The following COL14A1 variants were observed in gnomAD, a reference collection of about 807,000 sequenced individuals.
The protein encoded by COL14A1 is collagen type XIV alpha 1 chain.
Under a neutral mutation model 230.3 loss-of-function variants are expected in COL14A1, and 136 were observed. The ratio of observed to expected loss-of-function variants is 0.59; its 90% CI spans 0.51 to 0.68. The LOEUF (loss-of-function observed/expected upper bound fraction) is 0.68. Ranked by LOEUF, COL14A1 falls within the 30% of genes least tolerant of loss-of-function variation. The pLI, the probability that COL14A1 is intolerant of heterozygous loss-of-function variation, is 0.00. For synonymous variants in COL14A1, 792 were observed against 784.1 expected (o/e 1.01, Z -0.17); for missense variants, 1,976 against 2,215.8 (o/e 0.89, Z 2.17).
intron 30 of COL14A1, 42 bp downstream of exon 30, chr8:120,280,791 A>G (rs772320631): frequency 1.3e-6 from 2 of 1,592,806 alleles, no homozygotes; most frequent in Admixed American, 3.5e-5. Context: ...AATATATTAC[A>G]GGCCTCTCAA....
chr8:120,187,595 TG>T (rs1563659165), intron 5 of COL14A1, among the ~76,000 whole-genome samples: 1 of 152,206 alleles, frequency 6.6e-6, no homozygotes, highest in Non-Finnish European at 1.5e-5. Context: ...TGAATAAACA[TG>T]GGTTTGGAGT....
intron 5 of COL14A1, among the ~76,000 whole-genome samples, chr8:120,190,896 T>G (rs1310628137): frequency 6.6e-6 from 1 of 151,918 alleles, no homozygotes; most frequent in South Asian, 2.1e-4. Flanking sequence ...TGATATCCCC[T>G]TTATCATTTT....
chr8:120,177,507 G>A (rs1433781893), intron 5 of COL14A1, among the ~76,000 whole-genome samples: 2 of 151,646 alleles, frequency 1.3e-5, no homozygotes, highest in Admixed American at 6.6e-5. Context: ...AAATTAGCCG[G>A]GAGTGGTGGC....
chr8:120,339,853 C>A, intron 42 of COL14A1, among the ~76,000 whole-genome samples: 1 of 152,058 alleles, frequency 6.6e-6, no homozygotes, highest in East Asian at 1.9e-4. Context: ...TCCTGGCCAC[C>A]ATGGTGAAAC....
chr8:120,341,641 C>T (rs1248107130), intron 43 of COL14A1, among the ~76,000 whole-genome samples: 1 of 152,094 alleles, frequency 6.6e-6, no homozygotes, highest in African/African-American at 2.4e-5. Flanking sequence ...GAGAGAATCA[C>T]CGTCATATAA....
intron 1 of COL14A1, among the ~76,000 whole-genome samples, chr8:120,144,181 G>A (rs1374204218): frequency 1.5e-5 from 2 of 132,468 alleles, no homozygotes; most frequent in African/African-American, 5.0e-5. Context: ...ACAATCTTGA[G>A]CTGTCTCTCT....
At chr8:120,139,088 A>C (rs892314192) in intron 1 of COL14A1, among the ~76,000 whole-genome samples, 9 of 152,198 alleles carry the variant, frequency 5.9e-5, no homozygotes, top group Admixed American at 2.6e-4. Flanking sequence ...TAACTGTTAG[A>C]GCTGTTACAG....
rs532004935 is a variant in COL14A1 at position 120,324,796 on chromosome 8, A to G, written c.4660-7345A>G. On this transcript the variant is annotated intron_variant, in intron 40 of 47. Coordinates refer to ENST00000297848, the MANE Select transcript of COL14A1 (RefSeq NM_021110.4). ...GAATGAAGAATAGTATAATTGAGTCACTAGTTCTAAGCAGTATTTCCGCTG... is the reference window on the plus strand; with the variant it reads ...GAATGAAGAATAGTATAATTGAGTCGCTAGTTCTAAGCAGTATTTCCGCTG... Among the ~76,000 whole-genome samples the G allele has an allele frequency of 6.6e-5, 10 of 152,322 alleles. No individual in the cohort carries two copies. The East Asian group carries it at 1.7e-3, about 26-fold the overall frequency.
rs546173281 is a variant in COL14A1 at position 120,133,225 on chromosome 8, A to T, written c.-38+7885A>T. On this transcript the variant is annotated intron_variant, in intron 1 of 47. Transcript: ENST00000297848. ...AGCGAAACTCCGTCTCAAACAAAAA[A>T]AAAATAAAAAAAAAAAAAATAACTG... Among the ~76,000 whole-genome samples, 730 of 146,770 alleles carry T rather than the reference A, an allele frequency of 5.0e-3. 3 individuals are homozygous for T. Among genetic ancestry groups the T allele is most frequent in the African/African-American group, 0.013 (539 of 40,464 alleles).
chr8:120,270,400 G>T lies in COL14A1; in HGVS notation c.3213+226G>T, dbSNP rs189586097. On this transcript the variant is annotated intron_variant, in intron 26 of 47. Transcript: ENST00000297848. ...TGTTGAGTTCGGCAAACTAAAACAA[G>T]GTAGAAAGTCCATGTCAGGGTGTTA... is the stretch of plus-strand genomic sequence containing the variant. Among the ~76,000 whole-genome samples the T allele has an allele frequency of 1.9e-3, 291 of 151,694 alleles. 1 individual carries two copies. Among genetic ancestry groups the T allele is most frequent in the Non-Finnish European group, 2.9e-3 (196 of 67,710 alleles).
chr8:120,244,083 G>A, intron 20 of COL14A1, 75 bp downstream of exon 20: 3 of 1,515,624 alleles, frequency 2.0e-6, no homozygotes, highest in Non-Finnish European at 1.8e-6. Context: ...AATGCACCCT[G>A]AAAGATACAG....
At chr8:120,185,693 A>G (rs73321672) in intron 5 of COL14A1, among the ~76,000 whole-genome samples, 2,027 of 152,250 alleles carry the variant, frequency 0.013, 42 homozygotes, top group African/African-American at 0.045. Context: ...AGAAAAAAAT[A>G]GCTGTTATCC....
chr8:120,249,003 G>T (rs1212314054), intron 21 of COL14A1, among the ~76,000 whole-genome samples: 1 of 125,898 alleles, frequency 7.9e-6, no homozygotes, highest in African/African-American at 3.1e-5. Context: ...TCGGCTCACT[G>T]CAAGCTCCGC....
intron 44 of COL14A1, 101 bp from the exon 45 acceptor site, chr8:120,345,274 A>G: frequency 9.6e-7 from 1 of 1,037,984 alleles, no homozygotes; most frequent in Non-Finnish European, 1.4e-6. Flanking sequence ...CTTGGTGGGT[A>G]TCTAACAGAA....
At chr8:120,239,312 G>A (rs1208479877) in intron 19 of COL14A1, among the ~76,000 whole-genome samples, 2 of 152,106 alleles carry the variant, frequency 1.3e-5, no homozygotes, top group Non-Finnish European at 2.9e-5. Flanking sequence ...CATTATTTCT[G>A]ACACTCTGGG....
At chr8:120,253,274 G>T (rs1819033218) in intron 22 of COL14A1, among the ~76,000 whole-genome samples, 1 of 152,128 alleles carries the variant, frequency 6.6e-6, no homozygotes, top group South Asian at 2.1e-4. Context: ...CTCTCAAAGT[G>T]CTGGGATTAC....
In COL14A1 at chr8:120,372,871, TGCA is replaced by T. The variant is rs1812206037; in HGVS notation, c.*1642_*1644del. 2.0e-5 allele frequency among the ~76,000 whole-genome samples: 3 copies of T among 152,114 alleles called. No individual in the cohort carries two copies. Among genetic ancestry groups the T allele is most frequent in the Admixed American group, 2.0e-4 (3 of 15,268 alleles). On this transcript the variant is annotated 3_prime_UTR_variant, in exon 48 of 48. Coordinates refer to ENST00000297848, the MANE Select transcript of COL14A1 (RefSeq NM_021110.4). ...AACAAATCAGTTTTTTTGGTGTCTT[TGCA>T]GGGAATGAAAGAAGATAATGAGCAG...
chr8:120,291,559 C>CAAAAAAAA (rs375963111), intron 34 of COL14A1, among the ~76,000 whole-genome samples: 10 of 41,476 alleles, frequency 2.4e-4, no homozygotes, highest in African/African-American at 3.4e-4. Context: ...GACTCCATCT[C>CAAAAAAAA]AAAAAAAAAA....
chr8:120,134,617 C>T (rs73317779), intron 1 of COL14A1, among the ~76,000 whole-genome samples: 11,830 of 152,024 alleles, frequency 0.078, 1,195 homozygotes, highest in African/African-American at 0.23. Flanking sequence ...TATTGGGCAA[C>T]GTGTTTTATC....
Sources: allele counts gnomAD v4.1 joint callset (sites outside exome capture counted in the v4.1 genomes callset), GRCh38; gene constraint gnomAD v4.1.1; transcripts MANE v1.5; gene names NCBI Gene and HGNC (gene_info 2026-07-23, HGNC 2026-07-21).